ATP11A: variants seen among roughly 807,000 people sequenced by gnomAD.
ATP11A encodes ATPase phospholipid transporting 11A, also known as phospholipid-transporting ATPase IH.
Under a neutral mutation model 154.4 loss-of-function variants are expected in ATP11A, and 81 were observed. The ratio of observed to expected loss-of-function variants is 0.52; its 90% CI spans 0.44 to 0.63. The LOEUF (loss-of-function observed/expected upper bound fraction) is 0.63, where lower values mean the gene tolerates loss of function less well. Ranked by LOEUF, ATP11A falls within the 30% of genes least tolerant of loss-of-function variation. The pLI is 0.00. For missense variants in ATP11A, 1,316 were observed against 1,474.3 expected (o/e 0.89, Z 1.76); for synonymous variants, 623 against 585.9 (o/e 1.06, Z -0.91).
chr13:112,704,907 A>G (rs1409677785), intron 1 of ATP11A, among the ~76,000 whole-genome samples: 1 of 152,230 alleles, frequency 6.6e-6, no homozygotes, highest in Non-Finnish European at 1.5e-5. Context: ...AGACATGGAA[A>G]TGGCTTTCAG....
At chr13:112,736,843 GA>G (rs1891048916) in intron 1 of ATP11A, among the ~76,000 whole-genome samples, 1 of 152,170 alleles carries the variant, frequency 6.6e-6, no homozygotes, top group Non-Finnish European at 1.5e-5. Context: ...TTATGAAATT[GA>G]AAAGAAAATC....
At chr13:112,730,814 C>A (rs1041161289) in intron 1 of ATP11A, among the ~76,000 whole-genome samples, 2 of 152,190 alleles carry the variant, frequency 1.3e-5, no homozygotes, top group African/African-American at 4.8e-5. Flanking sequence ...TGCTGCAGAG[C>A]AGGGAGGATT....
rs1466886564 is a variant in ATP11A at position 112,819,339 on chromosome 13, C to G, written c.606C>G (p.His202Gln). Residue 202 changes from histidine (H) to glutamine (Q), a missense_variant, in exon 7 of 30, where the codon CAC (histidine) becomes CAG (glutamine). By Grantham distance (24) the His-to-Gln change is conservative. This residue lies in a region of ATP11A where 876 missense variants were observed against 1,006.8 expected (regional missense o/e 0.87). Transcript: ENST00000375645. ...CGGTCCAGGACACCAAAGGCTTCCACACAGAGGAGGATATCGGCGGACTTC... is the reference window on the plus strand; with the variant it reads ...CGGTCCAGGACACCAAAGGCTTCCAGACAGAGGAGGATATCGGCGGACTTC... ...HYAVQDTKGFHTEEDIGGLHA... is the reference protein window; with the variant it reads ...HYAVQDTKGFQTEEDIGGLHA... 1 of 1,614,128 alleles carries G rather than the reference C, an allele frequency of 6.2e-7. No homozygotes were observed. Among genetic ancestry groups the G allele is most frequent in the Non-Finnish European group, 8.5e-7 (1 of 1,180,058 alleles).
chr13:112,788,718 C>T (rs2077736127), intron 2 of ATP11A, among the ~76,000 whole-genome samples: 1 of 151,812 alleles, frequency 6.6e-6, no homozygotes, highest in African/African-American at 2.4e-5. Flanking sequence ...TAATTCGCAC[C>T]TGGCATCCTG....
intron 1 of ATP11A, among the ~76,000 whole-genome samples, chr13:112,706,154 C>G (rs75826074): frequency 6.6e-6 from 1 of 152,062 alleles, no homozygotes; most frequent in African/African-American, 2.4e-5. Context: ...GTGCTAGTTA[C>G]GTTTAAATGC....
chr13:112,726,220 T>C (rs1400148766), intron 1 of ATP11A, among the ~76,000 whole-genome samples: 1 of 139,566 alleles, frequency 7.2e-6, no homozygotes, highest in Admixed American at 7.1e-5. Flanking sequence ...ACTGCATGCG[T>C]GCAGGGAGAG....
intron 7 of ATP11A, 84 bp from the exon 8 acceptor site, chr13:112,819,816 T>C (rs1222724530): frequency 2.1e-6 from 3 of 1,445,072 alleles, no homozygotes; most frequent in Non-Finnish European, 2.9e-6. Context: ...GACGTGTGGC[T>C]CACAGAAGGC....
intron 2 of ATP11A, among the ~76,000 whole-genome samples, chr13:112,795,210 A>G (rs531864272): frequency 1.3e-5 from 2 of 152,354 alleles, no homozygotes; most frequent in South Asian, 4.1e-4. Flanking sequence ...GCGCCACTGC[A>G]CTCCAGCCTG....
At position 112,740,142 on chromosome 13, in the gene ATP11A, CTCTCTCTATATA is replaced by C. The variant is rs750531495; in HGVS notation, c.40-44991_40-44980del. On this transcript the variant is annotated intron_variant, in intron 1 of 29. Transcript: ENST00000375645. ...GCATGTGAATTCTCTCTCTCTCTCT[CTCTCTCTATATA>C]TATATATATATATATAGATATCTAT... Among the ~76,000 whole-genome samples the C allele has an allele frequency of 7.8e-3, 816 of 104,444 alleles. 5 individuals are homozygous for C. Among genetic ancestry groups the C allele is most frequent in the African/African-American group, 0.029 (651 of 22,180 alleles). The allele number at this position is 104,444 out of a possible 152,430, so 68.5% of individuals were successfully genotyped here.
rs142590484 is a variant in ATP11A, at chr13:112,819,918, C to T, written c.693C>T (p.Asn231=). The part of the protein sequence containing the change: ...PDLYKFVGRI[N]VYSDLNDPVV... The stretch of plus-strand genomic sequence containing the variant: ...TCGCCAGGTTCGTGGGTCGCATCAA[C>T]GTTTACAGTGACCTGAATGACCCCG... The change falls in exon 8 of 30, where the codon AAC becomes AAT. Residue 231 remains asparagine (N), a synonymous_variant. Coordinates refer to ENST00000375645, the MANE Select transcript of ATP11A (RefSeq NM_015205.3). The T allele has an allele frequency of 2.5e-4, 401 of 1,613,632 alleles. No homozygotes were observed. In the African/African-American group the frequency reaches 4.5e-3, roughly 18 times the overall value.
chr13:112,774,923 C>T lies in ATP11A; in HGVS notation c.40-10212C>T, dbSNP rs115041817. 3.8e-3 allele frequency among the ~76,000 whole-genome samples: 573 copies of T among 151,578 alleles called. 3 individuals are homozygous for T. Among genetic ancestry groups the T allele is most frequent in the African/African-American group, 0.013 (542 of 41,348 alleles). Reference sequence around the variant, plus strand: ...CTGTGTGTCTGAGCAGCTCCTCCCACCTTCCCCCGTCACGGGAGCCGCAGA... The same window carrying T: ...CTGTGTGTCTGAGCAGCTCCTCCCATCTTCCCCCGTCACGGGAGCCGCAGA... On this transcript the variant is annotated intron_variant, in intron 1 of 29. Transcript: ENST00000375645.
At chr13:112,792,092 C>T (rs1335184401) in intron 2 of ATP11A, among the ~76,000 whole-genome samples, 2 of 152,162 alleles carry the variant, frequency 1.3e-5, no homozygotes, top group Non-Finnish European at 2.9e-5. Context: ...GGATTAGTAG[C>T]TTAGTCTCAG....
chr13:112,800,435 A>G (rs935011629), intron 2 of ATP11A, among the ~76,000 whole-genome samples: 1 of 152,176 alleles, frequency 6.6e-6, no homozygotes, highest in African/African-American at 2.4e-5. Flanking sequence ...CTATCTACCA[A>G]AACTCAAACA....
chr13:112,819,782 C>A, intron 7 of ATP11A, 118 bp from the exon 8 acceptor site: 1 of 1,051,394 alleles, frequency 9.5e-7, no homozygotes, highest in Non-Finnish European at 1.4e-6. Context: ...CTGCTTTAGC[C>A]GCACACGGAG....
At chr13:112,740,761 G>T (rs1303321311) in intron 1 of ATP11A, among the ~76,000 whole-genome samples, 1 of 152,174 alleles carries the variant, frequency 6.6e-6, no homozygotes, top group African/African-American at 2.4e-5. Context: ...TTCCTGTTGT[G>T]TAACATCCAG....
chr13:112,826,215 A>G (rs1307307128), intron 11 of ATP11A, among the ~76,000 whole-genome samples: 1 of 152,234 alleles, frequency 6.6e-6, no homozygotes, highest in African/African-American at 2.4e-5. Flanking sequence ...GAGCGGGGCT[A>G]TCTCTGCATC....
intron 1 of ATP11A, among the ~76,000 whole-genome samples, chr13:112,745,070 A>G (rs769481648): frequency 1.3e-5 from 2 of 152,144 alleles, no homozygotes; most frequent in Non-Finnish European, 2.9e-5. Context: ...AATAATAACT[A>G]TTACTATTAT....
chr13:112,804,837 T>G (rs1196918936), intron 2 of ATP11A, 120 bp from the exon 3 acceptor site: 2 of 555,242 alleles, frequency 3.6e-6, no homozygotes, highest in East Asian at 6.2e-5. Context: ...ATTATGAGTT[T>G]TATATCTAAA....
intron 1 of ATP11A, among the ~76,000 whole-genome samples, chr13:112,710,113 A>G (rs941699533): frequency 3.3e-5 from 5 of 152,220 alleles, no homozygotes; most frequent in Admixed American, 6.5e-5. Context: ...CTCAGCATCC[A>G]CATTCCCTCA....
Sources: gnomAD v4.1 joint callset for allele counts (sites outside exome capture counted in the v4.1 genomes callset) on GRCh38, gnomAD v4.1.1 for gene constraint, gnomAD v4.1.1 regional missense constraint, MANE v1.5 for transcripts, NCBI Gene and HGNC (gene_info 2026-07-23, HGNC 2026-07-21) for gene names.